Variants in RBPMS observed in about 807,000 individuals in gnomAD.
RBPMS encodes the protein RNA binding protein, mRNA processing factor, also known as RNA-binding protein with multiple splicing.
A neutral mutation model predicts 26.8 loss-of-function variants in RBPMS; 7 were observed. The ratio of observed to expected loss-of-function variants is 0.26; its 90% CI spans 0.15 to 0.49. The LOEUF (loss-of-function observed/expected upper bound fraction) is 0.49, where lower values mean the gene tolerates loss of function less well. Among genes scored for constraint, RBPMS ranks in the 20% least tolerant of loss-of-function variants. The probability of loss-of-function intolerance (pLI) is 0.98; values close to 1 mark genes in which losing one functional copy is unlikely to be tolerated. For missense variants in RBPMS, 186 were observed against 250.0 expected (o/e 0.74, Z 1.73); for synonymous variants, 96 against 93.3 (o/e 1.03, Z -0.17).
At chr8:30,438,023 A>T (rs1812663176) in intron 1 of RBPMS, among the ~76,000 whole-genome samples, 1 of 152,168 alleles carries the variant, frequency 6.6e-6, no homozygotes, top group African/African-American at 2.4e-5. Context: ...TTGCAAGTTC[A>T]TCTTAGAGCA....
intron 5 of RBPMS, among the ~76,000 whole-genome samples, chr8:30,511,257 T>C (rs1821559955): frequency 6.6e-6 from 1 of 151,926 alleles, no homozygotes; most frequent in African/African-American, 2.4e-5. Flanking sequence ...GAGGTTGCAG[T>C]GAGCTGAGAT....
chr8:30,418,446 AT>A (rs1810354971), intron 1 of RBPMS, among the ~76,000 whole-genome samples: 1 of 151,808 alleles, frequency 6.6e-6, no homozygotes, highest in Admixed American at 6.6e-5. Flanking sequence ...TGTGTTTTGT[AT>A]TTTTCTTATT....
intron 6 of RBPMS, among the ~76,000 whole-genome samples, chr8:30,549,772 T>TCTCTCTCTC (rs1554543821): frequency 5.6e-5 from 4 of 71,212 alleles, no homozygotes; most frequent in African/African-American, 3.0e-4. Flanking sequence ...TTTTCTTTTC[T>TCTCTCTCTC]TCTCTCTCTC....
At chr8:30,542,229 T>G (rs115037847) in intron 5 of RBPMS, among the ~76,000 whole-genome samples, 1,715 of 152,318 alleles carry the variant, frequency 0.011, 39 homozygotes, top group African/African-American at 0.038. Context: ...TGTGCAAATA[T>G]CAATGGTGAA....
At chr8:30,570,062 C>T (rs1220973867) in intron 8 of RBPMS, among the ~76,000 whole-genome samples, 3 of 152,202 alleles carry the variant, frequency 2.0e-5, no homozygotes, top group Non-Finnish European at 4.4e-5. Context: ...ACAAATTGGA[C>T]AGATTTGGTG....
At chr8:30,451,577 A>G (rs1814594526) in intron 1 of RBPMS, among the ~76,000 whole-genome samples, 1 of 152,130 alleles carries the variant, frequency 6.6e-6, no homozygotes, top group Non-Finnish European at 1.5e-5. Flanking sequence ...AGCTCACGTT[A>G]TTTCAGGCTC....
At chr8:30,478,997 A>G (rs1045730637) in intron 3 of RBPMS, among the ~76,000 whole-genome samples, 3 of 152,228 alleles carry the variant, frequency 2.0e-5, no homozygotes, top group African/African-American at 7.2e-5. Context: ...GATTTAGGAA[A>G]GTAGAGCCTC....
At chr8:30,525,921 G>C (rs189579811) in intron 5 of RBPMS, among the ~76,000 whole-genome samples, 2 of 152,364 alleles carry the variant, frequency 1.3e-5, no homozygotes, top group Admixed American at 1.3e-4. Flanking sequence ...GTGTGTGAAA[G>C]AATTCCTTGC....
chr8:30,533,793 T>C (rs1026609404), intron 5 of RBPMS, among the ~76,000 whole-genome samples: 2 of 152,176 alleles, frequency 1.3e-5, no homozygotes, highest in African/African-American at 4.8e-5. Flanking sequence ...AATCAGGTTT[T>C]TTCCCCCCAC....
At chr8:30,539,350 C>T (rs1286994221) in intron 5 of RBPMS, among the ~76,000 whole-genome samples, 1 of 152,122 alleles carries the variant, frequency 6.6e-6, no homozygotes, top group African/African-American at 2.4e-5. Context: ...GGGGGCATCA[C>T]CCACCCCAGG....
intron 1 of RBPMS, chr8:30,446,842 TGCGC>T (rs10544192): frequency 0.033 from 2,149 of 65,414 alleles, 45 homozygotes; most frequent in Middle Eastern, 0.058. Context: ...TGTGTGTGTG[TGCGC>T]GCGCGCGCGC....
chr8:30,473,365 C>G (rs908604129), intron 1 of RBPMS, among the ~76,000 whole-genome samples: 10 of 152,280 alleles, frequency 6.6e-5, no homozygotes, highest in Admixed American at 6.5e-5. Flanking sequence ...CCCCTGTGTT[C>G]TGTGTTTTAG....
chr8:30,393,883 C>T (rs1808082002), intron 1 of RBPMS, among the ~76,000 whole-genome samples: 2 of 143,830 alleles, frequency 1.4e-5, no homozygotes, highest in Non-Finnish European at 3.0e-5. Context: ...AGCTAAGTGT[C>T]AGCTCAAAGT....
intron 7 of RBPMS, among the ~76,000 whole-genome samples, chr8:30,561,112 TC>T (rs1827443621): frequency 6.6e-6 from 1 of 152,222 alleles, no homozygotes; most frequent in African/African-American, 2.4e-5. Context: ...GATAAAATGT[TC>T]TTTTAAAATG....
chr8:30,434,240 GA>G (rs1812219004), intron 1 of RBPMS, among the ~76,000 whole-genome samples: 1 of 152,114 alleles, frequency 6.6e-6, no homozygotes, highest in Non-Finnish European at 1.5e-5. Context: ...TTCAAACTCT[GA>G]AATTCTGTGG....
chr8:30,566,235 G>T (rs771544100), intron 7 of RBPMS, 22 bp from the exon 8 acceptor site: 14 of 984,958 alleles, frequency 1.4e-5, no homozygotes, highest in Non-Finnish European at 1.7e-5. Flanking sequence ...CACCGTTAAC[G>T]GGTGATCTTT....
intron 8 of RBPMS, among the ~76,000 whole-genome samples, chr8:30,569,771 G>A (rs1479489398): frequency 2.6e-5 from 4 of 152,320 alleles, no homozygotes; most frequent in East Asian, 3.9e-4. Flanking sequence ...AAAGGGCAGG[G>A]ACAGGCCAGG....
At chr8:30,441,994 T>C (rs1813135733) in intron 1 of RBPMS, among the ~76,000 whole-genome samples, 2 of 151,998 alleles carry the variant, frequency 1.3e-5, no homozygotes, top group South Asian at 4.2e-4. Flanking sequence ...TTCACCATGT[T>C]AGCCAGGATG....
At chr8:30,419,018 A>G (rs915790803) in intron 1 of RBPMS, among the ~76,000 whole-genome samples, 5 of 149,090 alleles carry the variant, frequency 3.4e-5, no homozygotes, top group Admixed American at 6.7e-5. Context: ...CCCTGTTATC[A>G]TTTGCTGTAA....
Sources: allele counts gnomAD v4.1 joint callset (sites outside exome capture counted in the v4.1 genomes callset), GRCh38; gene constraint gnomAD v4.1.1; transcripts MANE v1.5; gene names NCBI Gene and HGNC (gene_info 2026-07-23, HGNC 2026-07-21).